Variants in AFG2A observed in about 807,000 individuals in gnomAD.
AFG2A encodes ATPase family gene 2 protein homolog A.
chr4:123,299,191 C>G, the AFG2A span, among the ~76,000 whole-genome samples: 2 of 151,168 alleles, frequency 1.3e-5, no homozygotes, highest in Middle Eastern at 3.2e-3. Flanking sequence ...ATATTTATTT[C>G]AAAGAGAAGA....
the AFG2A span, among the ~76,000 whole-genome samples, chr4:123,075,192 CCTTAGCCTCCCAA>C: frequency 6.6e-6 from 1 of 152,008 alleles, no homozygotes. Flanking sequence ...GATCCGCCCA[CCTTAGCCTCCCAA>C]AGTGCTGGGA....
the AFG2A span, among the ~76,000 whole-genome samples, chr4:122,957,781 G>A: frequency 6.6e-6 from 1 of 152,106 alleles, no homozygotes; most frequent in African/African-American, 2.4e-5. Context: ...GCAGGTGCAA[G>A]CAGTCACAAT....
the AFG2A span, among the ~76,000 whole-genome samples, chr4:123,083,205 T>G: frequency 1.3e-5 from 2 of 152,194 alleles, no homozygotes; most frequent in Non-Finnish European, 2.9e-5. Flanking sequence ...TGCCTTGTTC[T>G]TAATCATAGC....
the AFG2A span, among the ~76,000 whole-genome samples, chr4:122,979,891 C>T: frequency 6.6e-6 from 1 of 152,138 alleles, no homozygotes; most frequent in African/African-American, 2.4e-5. Context: ...GAGCGAGACC[C>T]TGTCTCAAAA....
the AFG2A span, among the ~76,000 whole-genome samples, chr4:123,170,534 A>T: frequency 6.6e-6 from 1 of 152,134 alleles, no homozygotes; most frequent in African/African-American, 2.4e-5. Flanking sequence ...GTATGATCCT[A>T]TATCTTTTAA....
the AFG2A span, among the ~76,000 whole-genome samples, chr4:122,939,115 C>T: frequency 3.1e-5 from 3 of 95,550 alleles, no homozygotes; most frequent in African/African-American, 1.2e-4. Flanking sequence ...GACAGAGTTT[C>T]GCTCTTGTTG....
the AFG2A span, among the ~76,000 whole-genome samples, chr4:123,039,808 T>C: frequency 1.3e-5 from 2 of 151,976 alleles, no homozygotes; most frequent in South Asian, 4.2e-4. Flanking sequence ...TACATAACTT[T>C]TAAACATTTT....
the AFG2A span, among the ~76,000 whole-genome samples, chr4:123,070,258 TTTAA>T: frequency 6.6e-6 from 1 of 152,110 alleles, no homozygotes; most frequent in African/African-American, 2.4e-5. Flanking sequence ...AAAATTAATA[TTTAA>T]TTAATTTTTA....
the AFG2A span, among the ~76,000 whole-genome samples, chr4:123,175,902 G>A: frequency 6.6e-6 from 1 of 152,162 alleles, no homozygotes; most frequent in Non-Finnish European, 1.5e-5. Context: ...ATTCCTCCTT[G>A]TATGGAGGGG....
chr4:122,937,974 T>G, the AFG2A span: 49 of 746,148 alleles, frequency 6.6e-5, no homozygotes, highest in South Asian at 1.2e-3. Context: ...CTAGAATGAA[T>G]CTAAGGATTT....
At chr4:123,278,167 C>T in the AFG2A span, among the ~76,000 whole-genome samples, 1,906 of 152,116 alleles carry the variant, frequency 0.013, 21 homozygotes, top group Non-Finnish European at 0.018. Context: ...TTCAGGGATT[C>T]AATTTCTTAG....
At chr4:123,194,324 A>T in the AFG2A span, among the ~76,000 whole-genome samples, 13 of 152,196 alleles carry the variant, frequency 8.5e-5, no homozygotes, top group African/African-American at 2.9e-4. Context: ...TGAGCTTTTT[A>T]AAAAATTGCA....
At chr4:123,022,850 C>T in the AFG2A span, among the ~76,000 whole-genome samples, 10 of 152,104 alleles carry the variant, frequency 6.6e-5, no homozygotes, top group Middle Eastern at 3.4e-3. Flanking sequence ...GAATACTATG[C>T]AGCCATAAAA....
chr4:123,222,000 A>G, the AFG2A span, among the ~76,000 whole-genome samples: 55 of 152,184 alleles, frequency 3.6e-4, no homozygotes, highest in African/African-American at 1.2e-3. Flanking sequence ...CTAAAGTGCT[A>G]TGTTTTTCAT....
At chr4:123,211,432 G>A in the AFG2A span, among the ~76,000 whole-genome samples, 1 of 152,122 alleles carries the variant, frequency 6.6e-6, no homozygotes, top group Non-Finnish European at 1.5e-5. Context: ...ACTGTAGGAA[G>A]AAATCAGTAT....
chr4:123,088,437 A>G, the AFG2A span, among the ~76,000 whole-genome samples: 2 of 152,068 alleles, frequency 1.3e-5, no homozygotes, highest in Non-Finnish European at 2.9e-5. Context: ...ATTATGAAAG[A>G]CCTCCTAAAG....
chr4:123,097,834 G>C, the AFG2A span, among the ~76,000 whole-genome samples: 1 of 152,236 alleles, frequency 6.6e-6, no homozygotes, highest in East Asian at 1.9e-4. Flanking sequence ...GGCAGACCAT[G>C]GCCTTTAGGC....
At chr4:123,296,618 A>G in the AFG2A span, among the ~76,000 whole-genome samples, 4 of 152,222 alleles carry the variant, frequency 2.6e-5, no homozygotes, top group African/African-American at 9.6e-5. Context: ...AATTCAGTGC[A>G]GTGTTGGAGA....
the AFG2A span, among the ~76,000 whole-genome samples, chr4:123,221,582 T>C: frequency 6.6e-6 from 1 of 152,224 alleles, no homozygotes; most frequent in Non-Finnish European, 1.5e-5. Context: ...ATTGAATATA[T>C]TACATTTGTT....
Sources: allele counts gnomAD v4.1 joint callset (sites outside exome capture counted in the v4.1 genomes callset), GRCh38; gene constraint gnomAD v4.1.1; transcripts MANE v1.5; gene names NCBI Gene and HGNC (gene_info 2026-07-23, HGNC 2026-07-21).